Variants in CADPS2 observed in about 807,000 individuals in gnomAD.
CADPS2 encodes calcium-dependent secretion activator 2.
In CADPS2, 93 loss-of-function variants were observed where a neutral mutation model predicts 172.5. The observed-to-expected ratio is 0.54, with a 90% CI of 0.46 to 0.64. The LOEUF is 0.64. CADPS2 is among the 30% of genes least tolerant of loss of function. CADPS2 has a pLI of 0.00. For synonymous variants in CADPS2, 546 were observed against 555.2 expected, an observed-to-expected ratio of 0.98 and a Z score of 0.23; for missense variants, 1,420 against 1,565.9, an observed-to-expected ratio of 0.91 and a Z score of 1.57.
chr7:122,606,185 G>A (rs1287799007), intron 6 of CADPS2, among the ~76,000 whole-genome samples: 1 of 152,084 alleles, frequency 6.6e-6, no homozygotes, highest in Non-Finnish European at 1.5e-5. Flanking sequence ...GTACCCTGGA[G>A]GTTTTTCCAC....
At chr7:122,458,047 A>G (rs1297770209) in intron 14 of CADPS2, among the ~76,000 whole-genome samples, 1 of 152,152 alleles carries the variant, frequency 6.6e-6, no homozygotes, top group African/African-American at 2.4e-5. Flanking sequence ...AGCAAATGAC[A>G]AAGTTCATGG....
At chr7:122,559,304 G>C (rs919029422) in intron 7 of CADPS2, among the ~76,000 whole-genome samples, 4 of 152,090 alleles carry the variant, frequency 2.6e-5, no homozygotes, top group Admixed American at 2.6e-4. Flanking sequence ...GCTGACATTT[G>C]TAACATTACT....
intron 6 of CADPS2, among the ~76,000 whole-genome samples, chr7:122,611,693 AG>A (rs1475923744): frequency 6.6e-6 from 1 of 152,042 alleles, no homozygotes; most frequent in Non-Finnish European, 1.5e-5. Flanking sequence ...AAAAAATTGA[AG>A]GGTCCACTTA....
chr7:122,327,731 A>G (rs2034155188), intron 28 of CADPS2, among the ~76,000 whole-genome samples: 1 of 152,052 alleles, frequency 6.6e-6, no homozygotes, highest in African/African-American at 2.4e-5. Context: ...AACTTATTTA[A>G]TACAATGCCA....
intron 2 of CADPS2, among the ~76,000 whole-genome samples, chr7:122,735,653 G>A (rs1379430139): frequency 2.0e-5 from 3 of 152,076 alleles, no homozygotes; most frequent in African/African-American, 4.8e-5. Flanking sequence ...TCATCCCCCT[G>A]CTGATCCAAT....
At chr7:122,406,269 A>G (rs1374373214) in intron 20 of CADPS2, among the ~76,000 whole-genome samples, 1 of 152,280 alleles carries the variant, frequency 6.6e-6, no homozygotes, top group Non-Finnish European at 1.5e-5. Flanking sequence ...ATTTTTCTTT[A>G]AACAAAGACA....
At chr7:122,342,174 T>G (rs1281572244) in intron 28 of CADPS2, among the ~76,000 whole-genome samples, 1 of 152,184 alleles carries the variant, frequency 6.6e-6, no homozygotes. Context: ...ACTTTGACAT[T>G]AATGACTTAT....
chr7:122,387,109 C>A lies in CADPS2; in HGVS notation c.3229G>T (p.Ala1077Ser). The change falls in exon 24 of 30, where the codon GCT becomes TCT. Residue 1077 changes from alanine (A) to serine (S), a missense_variant. Ala to Ser is a moderately conservative substitution (Grantham distance 99). Transcript: ENST00000449022. ...ACATTAAACATAGTGCAAACGGAAG[C>A]TGGAATGCGCAAGTCAGTTGTTTTG... is the stretch of plus-strand genomic sequence containing the variant. ...ASKTTDLRIP[A>S]SVCTMFNVLV... The A allele has an allele frequency of 6.4e-7, 1 of 1,572,380 alleles. No homozygotes were observed.
At chr7:122,372,281 G>A (rs544066229) in intron 25 of CADPS2, among the ~76,000 whole-genome samples, 2 of 152,284 alleles carry the variant, frequency 1.3e-5, no homozygotes, top group African/African-American at 2.4e-5. Context: ...TAGAGTTAAA[G>A]CTGGAAGTGG....
intron 8 of CADPS2, among the ~76,000 whole-genome samples, chr7:122,513,817 C>T (rs953361179): frequency 7.2e-5 from 11 of 152,124 alleles, no homozygotes; most frequent in Admixed American, 6.6e-4. Flanking sequence ...ACCTATCAAA[C>T]GAAAGGATGG....
At chr7:122,763,604 G>A (rs986146909) in intron 1 of CADPS2, among the ~76,000 whole-genome samples, 2 of 152,118 alleles carry the variant, frequency 1.3e-5, no homozygotes, top group Non-Finnish European at 2.9e-5. Context: ...AAGGGTCTTT[G>A]TCCATTTTAA....
intron 23 of CADPS2, among the ~76,000 whole-genome samples, chr7:122,388,018 G>A (rs2043897405): frequency 6.6e-6 from 1 of 151,952 alleles, no homozygotes; most frequent in East Asian, 1.9e-4. Flanking sequence ...AGGATGCAAA[G>A]CTGATTTTTT....
At chr7:122,664,194 C>T (rs2080933621) in intron 2 of CADPS2, among the ~76,000 whole-genome samples, 1 of 151,520 alleles carries the variant, frequency 6.6e-6, no homozygotes, top group African/African-American at 2.4e-5. Flanking sequence ...TGAGTGTGGA[C>T]TTGAAGATCA....
chr7:122,413,849 T>C (rs1585780351), intron 19 of CADPS2, among the ~76,000 whole-genome samples: 2 of 152,194 alleles, frequency 1.3e-5, no homozygotes, highest in African/African-American at 4.8e-5. Context: ...ATGTTTTACT[T>C]AGATGGCCAT....
intron 25 of CADPS2, among the ~76,000 whole-genome samples, chr7:122,369,080 C>G (rs1347319470): frequency 6.7e-6 from 1 of 149,118 alleles, no homozygotes; most frequent in African/African-American, 2.5e-5. Flanking sequence ...ATTTTTTTTC[C>G]CTTGGTAAAA....
At chr7:122,497,886 G>C (rs1346858940) in intron 9 of CADPS2, among the ~76,000 whole-genome samples, 1 of 152,162 alleles carries the variant, frequency 6.6e-6, no homozygotes, top group Non-Finnish European at 1.5e-5. Context: ...TAATTTTGAA[G>C]ATATTCCATT....
At chr7:122,711,474 A>C (rs2088709603) in intron 2 of CADPS2, among the ~76,000 whole-genome samples, 1 of 152,082 alleles carries the variant, frequency 6.6e-6, no homozygotes, top group Non-Finnish European at 1.5e-5. Context: ...CTAACATTAC[A>C]TCAGGAGTAA....
At chr7:122,802,097 C>T (rs984576428) in intron 1 of CADPS2, among the ~76,000 whole-genome samples, 1 of 151,918 alleles carries the variant, frequency 6.6e-6, no homozygotes, top group African/African-American at 2.4e-5. Flanking sequence ...TGTATAAAAT[C>T]TATTTATAAA....
intron 4 of CADPS2, among the ~76,000 whole-genome samples, chr7:122,627,281 G>T (rs775460718): frequency 2.6e-5 from 4 of 152,222 alleles, no homozygotes; most frequent in Non-Finnish European, 5.9e-5. Context: ...AAATAATTCA[G>T]CAAGGTCAGT....
Sources: allele counts gnomAD v4.1 joint callset (sites outside exome capture counted in the v4.1 genomes callset), GRCh38; gene constraint gnomAD v4.1.1; transcripts MANE v1.5; gene names NCBI Gene and HGNC (gene_info 2026-07-23, HGNC 2026-07-21).